ERCC6: variants seen among roughly 807,000 people sequenced by gnomAD.
ERCC6 encodes the protein ERCC excision repair 6, chromatin remodeling factor, also known as DNA excision repair protein ERCC-6.
In ERCC6, 116 loss-of-function variants were observed where a neutral mutation model predicts 158.7. That is an observed-to-expected ratio of 0.73 (90% CI 0.63 to 0.85). The LOEUF is 0.85. Among genes scored for constraint, ERCC6 ranks in the 40% least tolerant of loss-of-function variants. The pLI, the probability that ERCC6 is intolerant of heterozygous loss-of-function variation, is 0.00. For missense variants in ERCC6, 1,698 were observed against 1,799.4 expected, an observed-to-expected ratio of 0.94 and a Z score of 1.02; for synonymous variants, 678 against 659.3, an observed-to-expected ratio of 1.03 and a Z score of -0.43.
chr10:49,444,367 C>T, the ERCC6 span, among the ~76,000 whole-genome samples: 1 of 152,134 alleles, frequency 6.6e-6, no homozygotes, highest in Admixed American at 6.5e-5. Flanking sequence ...AACAGGGGGT[C>T]TCAAATATAT....
chr10:49,474,789 CGAATGG>C (rs1564420374), intron 12 of ERCC6, among the ~76,000 whole-genome samples: 2 of 152,046 alleles, frequency 1.3e-5, no homozygotes, highest in Non-Finnish European at 2.9e-5. Context: ...TAGGAATGCA[CGAATGG>C]GAAAGATATG....
At chr10:49,490,228 T>C (rs1220756989) in intron 8 of ERCC6, among the ~76,000 whole-genome samples, 1 of 152,102 alleles carries the variant, frequency 6.6e-6, no homozygotes, top group Non-Finnish European at 1.5e-5. Context: ...CAGAGACTAT[T>C]AACAAAGATA....
At chr10:49,486,176 GAC>G (rs1851074349) in intron 8 of ERCC6, among the ~76,000 whole-genome samples, 1 of 152,114 alleles carries the variant, frequency 6.6e-6, no homozygotes, top group Non-Finnish European at 1.5e-5. Context: ...CTGTCAAAAT[GAC>G]ACATCCACAG....
intron 5 of ERCC6, among the ~76,000 whole-genome samples, chr10:49,523,034 T>A (rs1005089786): frequency 1.3e-5 from 2 of 152,138 alleles, no homozygotes; most frequent in African/African-American, 4.8e-5. Context: ...AATGAGCAGT[T>A]CTAAGTAACA....
At chr10:49,520,496 T>C (rs1464043050) in intron 5 of ERCC6, among the ~76,000 whole-genome samples, 3 of 152,266 alleles carry the variant, frequency 2.0e-5, no homozygotes, top group East Asian at 3.9e-4. Flanking sequence ...AAATGCATTT[T>C]CTCACTCAGG....
At chr10:49,481,180 G>A (rs1850972340) in intron 10 of ERCC6, among the ~76,000 whole-genome samples, 1 of 152,206 alleles carries the variant, frequency 6.6e-6, no homozygotes, top group South Asian at 2.1e-4. Flanking sequence ...GTGTGGGAGA[G>A]GGAGGGGAGG....
chr10:49,505,838 T>C, intron 6 of ERCC6, 46 bp downstream of exon 6: 1 of 1,610,492 alleles, frequency 6.2e-7, no homozygotes, highest in Non-Finnish European at 8.5e-7. Flanking sequence ...AATTTGTACA[T>C]AATGGCTTGA....
intron 5 of ERCC6, among the ~76,000 whole-genome samples, chr10:49,522,168 G>T (rs1308126627): frequency 6.6e-6 from 1 of 152,128 alleles, no homozygotes; most frequent in East Asian, 1.9e-4. Flanking sequence ...TCAAACCACT[G>T]CTAAGACAAG....
intron 5 of ERCC6, among the ~76,000 whole-genome samples, chr10:49,520,702 C>T (rs1050533002): frequency 6.6e-6 from 1 of 152,178 alleles, no homozygotes; most frequent in Admixed American, 6.5e-5. Flanking sequence ...CCAAACAGGG[C>T]CTCGGAGCCC....
At chr10:49,476,902 C>T (rs1314891585) in intron 11 of ERCC6, among the ~76,000 whole-genome samples, 1 of 152,180 alleles carries the variant, frequency 6.6e-6, no homozygotes, top group Non-Finnish European at 1.5e-5. Flanking sequence ...CCTCTGCCAC[C>T]TACCTGGACC....
intron 8 of ERCC6, among the ~76,000 whole-genome samples, chr10:49,491,961 T>G (rs2132563154): frequency 6.6e-6 from 1 of 152,376 alleles, no homozygotes; most frequent in Admixed American, 6.5e-5. Context: ...TCTATACTGC[T>G]ATTATCTTCA....
At chr10:49,525,693 T>G (rs1837299803) in intron 4 of ERCC6, among the ~76,000 whole-genome samples, 1 of 152,132 alleles carries the variant, frequency 6.6e-6, no homozygotes, top group Non-Finnish European at 1.5e-5. Flanking sequence ...CATCTGAAAG[T>G]GCACAAATCA....
chr10:49,484,355 C>T (rs1378977270), intron 8 of ERCC6, among the ~76,000 whole-genome samples: 5 of 150,788 alleles, frequency 3.3e-5, no homozygotes, highest in African/African-American at 4.9e-5. Context: ...TTTGAATCTA[C>T]AGAACAAAAC....
chr10:49,466,867 A>G (rs1197217202), intron 18 of ERCC6, among the ~76,000 whole-genome samples: 3 of 149,338 alleles, frequency 2.0e-5, no homozygotes, highest in Admixed American at 6.6e-5. Context: ...GCTCACTGCA[A>G]CCTCCACTTC....
chr10:49,469,507 CTGATT>C (rs1380712887), intron 18 of ERCC6, among the ~76,000 whole-genome samples: 6 of 152,044 alleles, frequency 3.9e-5, no homozygotes, highest in African/African-American at 7.2e-5. Flanking sequence ...TGAGACCCAA[CTGATT>C]TAAGTTTGAA....
chr10:49,502,272 G>T (rs1851368643), intron 6 of ERCC6: 1 of 152,102 alleles, frequency 6.6e-6, no homozygotes, highest in Admixed American at 6.5e-5. Context: ...CTCTAAATGA[G>T]AACTTTGCTG....
intron 10 of ERCC6, 147 bp downstream of exon 10, chr10:49,482,539 AT>A (rs571372686): frequency 0.1 from 47,483 of 463,332 alleles, 17 homozygotes; most frequent in East Asian, 0.12. Context: ...TAATTTTGTG[AT>A]TTTTTTTTTT....
At chr10:49,537,514 C>T (rs968555421) in intron 1 of ERCC6, among the ~76,000 whole-genome samples, 13 of 150,548 alleles carry the variant, frequency 8.6e-5, no homozygotes, top group African/African-American at 2.0e-4. Flanking sequence ...CACATACACA[C>T]ACACACACAC....
intron 6 of ERCC6, 75 bp downstream of exon 6, chr10:49,505,804 CTACTA>C: frequency 6.4e-7 from 1 of 1,569,534 alleles, no homozygotes; most frequent in Admixed American, 1.7e-5. Context: ...CCACAGGTAA[CTACTA>C]TGTAATTCCT....
Sources: gnomAD v4.1 joint callset for allele counts (sites outside exome capture counted in the v4.1 genomes callset) on GRCh38, gnomAD v4.1.1 for gene constraint, MANE v1.5 for transcripts, NCBI Gene and HGNC (gene_info 2026-07-23, HGNC 2026-07-21) for gene names.